DPP10: variants seen among roughly 807,000 people sequenced by gnomAD.
DPP10 encodes the protein inactive dipeptidyl peptidase 10.
In DPP10, 33 loss-of-function variants were observed where a neutral mutation model predicts 120.9. That is an observed-to-expected ratio of 0.27 (90% CI 0.21 to 0.37). The LOEUF is 0.37. DPP10 is among the 10% of genes least tolerant of loss of function. The probability of loss-of-function intolerance (pLI) is 1.00; values close to 1 mark genes in which losing one functional copy is unlikely to be tolerated. For missense variants in DPP10, 816 were observed against 942.8 expected (o/e 0.87, Z 1.76); for synonymous variants, 337 against 326.1 (o/e 1.03, Z -0.36).
chr2:114,967,552 A>G (rs1254149916), intron 1 of DPP10, among the ~76,000 whole-genome samples: 2 of 152,188 alleles, frequency 1.3e-5, no homozygotes, highest in African/African-American at 4.8e-5. Context: ...CAGGGAAAGT[A>G]TATGTGAGGA....
At chr2:114,967,510 A>C (rs959888059) in intron 1 of DPP10, among the ~76,000 whole-genome samples, 1 of 152,172 alleles carries the variant, frequency 6.6e-6, no homozygotes, top group Admixed American at 6.5e-5. Flanking sequence ...ATATCAAGAT[A>C]AGTGCATGGA....
chr2:115,382,138 C>A (rs564252556), intron 3 of DPP10, among the ~76,000 whole-genome samples: 7 of 151,378 alleles, frequency 4.6e-5, no homozygotes, highest in Admixed American at 4.6e-4. Flanking sequence ...TGGGCAATGG[C>A]GGGCGCCCCT....
intron 1 of DPP10, among the ~76,000 whole-genome samples, chr2:114,764,844 A>T (rs1257267517): frequency 6.6e-6 from 1 of 152,192 alleles, no homozygotes; most frequent in Non-Finnish European, 1.5e-5. Flanking sequence ...CAATTTATGA[A>T]TGCAATTTTA....
At chr2:115,756,123 A>T (rs1900280) in intron 11 of DPP10, among the ~76,000 whole-genome samples, 1 of 151,884 alleles carries the variant, frequency 6.6e-6, no homozygotes, top group African/African-American at 2.4e-5. Context: ...TATCTGGGGG[A>T]TAAAAGAAAT....
At chr2:115,699,036 C>CAA (rs1191197397) in intron 7 of DPP10, among the ~76,000 whole-genome samples, 539 of 50,794 alleles carry the variant, frequency 0.011, 4 homozygotes, top group African/African-American at 0.036. Flanking sequence ...AAAAAAAAAA[C>CAA]AAAAAAAAAA....
intron 1 of DPP10, among the ~76,000 whole-genome samples, chr2:114,628,670 T>A (rs911664009): frequency 6.6e-6 from 1 of 152,110 alleles, no homozygotes; most frequent in Non-Finnish European, 1.5e-5. Flanking sequence ...TTTCTTGAGA[T>A]AAACTGCACA....
intron 1 of DPP10, among the ~76,000 whole-genome samples, chr2:115,008,717 C>G (rs1416439872): frequency 3.6e-5 from 4 of 111,270 alleles, no homozygotes; most frequent in African/African-American, 1.2e-4. Context: ...ACAATGAACT[C>G]AAACACATTT....
chr2:114,823,480 C>A (rs1301005544), intron 1 of DPP10, among the ~76,000 whole-genome samples: 1 of 152,138 alleles, frequency 6.6e-6, no homozygotes, highest in Non-Finnish European at 1.5e-5. Flanking sequence ...CCACATTGAG[C>A]TTTCAAGCAT....
intron 3 of DPP10, among the ~76,000 whole-genome samples, chr2:115,454,233 A>T (rs1038617591): frequency 6.6e-6 from 1 of 151,596 alleles, no homozygotes; most frequent in Non-Finnish European, 1.5e-5. Context: ...CCTAATTCTC[A>T]TATCAGACAA....
intron 1 of DPP10, among the ~76,000 whole-genome samples, chr2:115,133,278 CA>C (rs1336781505): frequency 1.0e-4 from 15 of 146,118 alleles, no homozygotes; most frequent in African/African-American, 3.3e-4. Context: ...GCCTGGGTGA[CA>C]AGAGCAAAAC....
chr2:115,655,061 A>G (rs895777387), intron 5 of DPP10, among the ~76,000 whole-genome samples: 1 of 151,692 alleles, frequency 6.6e-6, no homozygotes. Context: ...TTGGAAAAAA[A>G]ATTAATGTTT....
At chr2:115,512,691 G>T (rs1012402323) in intron 4 of DPP10, among the ~76,000 whole-genome samples, 4 of 151,798 alleles carry the variant, frequency 2.6e-5, no homozygotes, top group African/African-American at 9.7e-5. Context: ...CTATATATTT[G>T]TGAATTTCCC....
intron 3 of DPP10, among the ~76,000 whole-genome samples, chr2:115,380,322 CT>C (rs2066210067): frequency 6.6e-6 from 1 of 152,098 alleles, no homozygotes; most frequent in Non-Finnish European, 1.5e-5. Context: ...TTCTTTGTCT[CT>C]TTTGATCTTT....
At chr2:115,806,801 A>G (rs960235302) in intron 19 of DPP10, among the ~76,000 whole-genome samples, 2 of 152,090 alleles carry the variant, frequency 1.3e-5, no homozygotes, top group African/African-American at 4.8e-5. Context: ...CTTCTTTTTT[A>G]AAGATACACA....
At chr2:114,918,376 G>C (rs914073371) in intron 1 of DPP10, among the ~76,000 whole-genome samples, 1 of 152,146 alleles carries the variant, frequency 6.6e-6, no homozygotes, top group African/African-American at 2.4e-5. Context: ...AACCACCATG[G>C]AAAGCAGTTT....
intron 3 of DPP10, among the ~76,000 whole-genome samples, chr2:115,357,005 A>T (rs2064437687): frequency 6.6e-6 from 1 of 152,160 alleles, no homozygotes; most frequent in South Asian, 2.1e-4. Context: ...GTGTTTTTGA[A>T]CCATTGCCCC....
intron 5 of DPP10, among the ~76,000 whole-genome samples, chr2:115,671,796 G>A (rs1050625564): frequency 6.6e-6 from 1 of 152,004 alleles, no homozygotes; most frequent in Non-Finnish European, 1.5e-5. Context: ...CAGCAGCTTT[G>A]TGAGAATTTT....
intron 3 of DPP10, among the ~76,000 whole-genome samples, chr2:115,456,729 A>G (rs1486977276): frequency 6.6e-6 from 1 of 152,116 alleles, no homozygotes; most frequent in Non-Finnish European, 1.5e-5. Context: ...CAAACACCAC[A>G]TGCTCTCACT....
intron 1 of DPP10, among the ~76,000 whole-genome samples, chr2:114,687,035 A>G (rs1296753597): frequency 6.6e-6 from 1 of 152,006 alleles, no homozygotes; most frequent in African/African-American, 2.4e-5. Flanking sequence ...TGCATTATAC[A>G]ACAATGTTGA....
Sources: gnomAD v4.1 joint callset for allele counts (sites outside exome capture counted in the v4.1 genomes callset) on GRCh38, gnomAD v4.1.1 for gene constraint, MANE v1.5 for transcripts, NCBI Gene and HGNC (gene_info 2026-07-23, HGNC 2026-07-21) for gene names.